The following TMTC2 variants were observed in gnomAD, a reference collection of about 807,000 sequenced individuals.
TMTC2 encodes transmembrane O-mannosyltransferase targeting cadherins 2, also known as protein O-mannosyl-transferase TMTC2.
A neutral mutation model predicts 82.4 loss-of-function variants in TMTC2; 43 were observed. That is an observed-to-expected ratio of 0.52 (90% CI 0.41 to 0.67). The LOEUF (loss-of-function observed/expected upper bound fraction) is 0.67. TMTC2 is among the 30% of genes least tolerant of loss of function. The pLI, the probability that TMTC2 is intolerant of heterozygous loss-of-function variation, is 0.00. For missense variants in TMTC2, 919 were observed against 1,012.4 expected (o/e 0.91, Z 1.25); for synonymous variants, 408 against 381.9 (o/e 1.07, Z -0.80).
chr12:82,906,725 A>T (rs137861063), intron 3 of TMTC2, among the ~76,000 whole-genome samples: 1 of 152,270 alleles, frequency 6.6e-6, no homozygotes, highest in East Asian at 1.9e-4. Flanking sequence ...AGAAAAAAGA[A>T]ATTTACTAGT....
At chr12:82,951,923 G>A (rs894759172) in intron 4 of TMTC2, among the ~76,000 whole-genome samples, 1 of 152,016 alleles carries the variant, frequency 6.6e-6, no homozygotes, top group African/African-American at 2.4e-5. Context: ...GAGAAATAGA[G>A]TATATGATTT....
At chr12:82,807,751 G>A (rs1260821790) in intron 1 of TMTC2, among the ~76,000 whole-genome samples, 1 of 152,026 alleles carries the variant, frequency 6.6e-6, no homozygotes, top group African/African-American at 2.4e-5. Context: ...AAGTAGACCA[G>A]TGATCTAATA....
chr12:83,000,614 C>T (rs1258973228), intron 8 of TMTC2, among the ~76,000 whole-genome samples: 1 of 152,124 alleles, frequency 6.6e-6, no homozygotes, highest in Non-Finnish European at 1.5e-5. Context: ...GTGGCCTTTC[C>T]AGGTGCATGG....
intron 1 of TMTC2, among the ~76,000 whole-genome samples, chr12:82,814,349 A>G (rs541047769): frequency 6.6e-6 from 1 of 152,304 alleles, no homozygotes; most frequent in African/African-American, 2.4e-5. Flanking sequence ...AATGAGATGG[A>G]AAAGAACAAA....
intron 11 of TMTC2, among the ~76,000 whole-genome samples, chr12:83,114,371 A>G (rs992595127): frequency 9.9e-5 from 15 of 152,190 alleles, no homozygotes; most frequent in Non-Finnish European, 4.4e-5. Context: ...GAACCAGGCT[A>G]TGCTAGCAGC....
intron 1 of TMTC2, among the ~76,000 whole-genome samples, chr12:82,793,043 G>A (rs1308790201): frequency 2.6e-5 from 4 of 151,988 alleles, no homozygotes; most frequent in Non-Finnish European, 5.9e-5. Flanking sequence ...CTTTGTAAGG[G>A]CACCTTTTGA....
intron 11 of TMTC2, among the ~76,000 whole-genome samples, chr12:83,129,159 G>C (rs150716472): frequency 1.8e-3 from 277 of 152,222 alleles, no homozygotes; most frequent in African/African-American, 6.4e-3. Context: ...ACACCAAAAT[G>C]TTATAACTGA....
intron 4 of TMTC2, among the ~76,000 whole-genome samples, chr12:82,946,509 T>C (rs1025407737): frequency 1.3e-5 from 2 of 152,198 alleles, no homozygotes; most frequent in African/African-American, 4.8e-5. Flanking sequence ...CTTTTAATCA[T>C]TGTGCCTCTC....
chr12:83,070,923 C>T (rs1883088994), intron 11 of TMTC2, among the ~76,000 whole-genome samples: 1 of 152,242 alleles, frequency 6.6e-6, no homozygotes, highest in South Asian at 2.1e-4. Context: ...TTGTCGAATG[C>T]TTTTTCTGCA....
chr12:83,032,619 A>C (rs904475594), intron 9 of TMTC2, among the ~76,000 whole-genome samples: 1 of 152,140 alleles, frequency 6.6e-6, no homozygotes, highest in Non-Finnish European at 1.5e-5. Context: ...ATCTCGGCTC[A>C]CTGCAACCTC....
intron 1 of TMTC2, among the ~76,000 whole-genome samples, chr12:82,840,162 C>G (rs1158547921): frequency 6.6e-6 from 1 of 152,216 alleles, no homozygotes; most frequent in Non-Finnish European, 1.5e-5. Flanking sequence ...CCCTACTGTG[C>G]GTCATGCACT....
chr12:83,067,883 A>G lies in TMTC2; in HGVS notation c.2331+6052A>G, dbSNP rs367732699. Among the ~76,000 whole-genome samples, 12 of 152,258 alleles carry G rather than the reference A, an allele frequency of 7.9e-5. No homozygotes were observed. In the East Asian group the frequency reaches 2.3e-3, roughly 29 times the overall value. On this transcript the variant is annotated intron_variant, in intron 11 of 11. Transcript: ENST00000321196. Reference sequence around the variant, plus strand: ...TATAAATATTCCATGTGTATTTAGTATATATGAATTAAAAGGAGAATATCT... The same window carrying G: ...TATAAATATTCCATGTGTATTTAGTGTATATGAATTAAAAGGAGAATATCT...
At chr12:83,113,352 A>G (rs1057242268) in intron 11 of TMTC2, among the ~76,000 whole-genome samples, 1 of 152,224 alleles carries the variant, frequency 6.6e-6, no homozygotes, top group African/African-American at 2.4e-5. Context: ...AAAACCTTGT[A>G]GATAAAAATG....
chr12:82,954,557 G>T (rs1377144060), intron 4 of TMTC2, among the ~76,000 whole-genome samples: 2 of 152,182 alleles, frequency 1.3e-5, no homozygotes, highest in African/African-American at 4.8e-5. Context: ...TATTTCCCTG[G>T]TTTTGAAGGT....
intron 2 of TMTC2, among the ~76,000 whole-genome samples, chr12:82,864,376 G>A (rs1445151370): frequency 2.0e-5 from 3 of 151,822 alleles, no homozygotes; most frequent in Admixed American, 6.6e-5. Context: ...GAGGGGAGGG[G>A]GGAACTATCC....
intron 3 of TMTC2, among the ~76,000 whole-genome samples, chr12:82,920,101 AT>A (rs1875295539): frequency 6.6e-6 from 1 of 152,192 alleles, no homozygotes; most frequent in Non-Finnish European, 1.5e-5. Context: ...TCTTCTAGCT[AT>A]TTTTTCAAAG....
chr12:82,889,625 A>AGTG (rs1417877014), intron 2 of TMTC2, among the ~76,000 whole-genome samples: 4 of 152,178 alleles, frequency 2.6e-5, no homozygotes, highest in Non-Finnish European at 5.9e-5. Flanking sequence ...ATTTTTCACA[A>AGTG]AAATATTTTT....
intron 1 of TMTC2, among the ~76,000 whole-genome samples, chr12:82,695,615 T>C (rs574797336): frequency 6.6e-6 from 1 of 152,216 alleles, no homozygotes; most frequent in Non-Finnish European, 1.5e-5. Flanking sequence ...TTGTGTCTCT[T>C]GGATTAAATG....
At chr12:82,995,109 T>C (rs1308565670) in intron 8 of TMTC2, among the ~76,000 whole-genome samples, 1 of 152,228 alleles carries the variant, frequency 6.6e-6, no homozygotes, top group East Asian at 1.9e-4. Context: ...GTTTATGCTT[T>C]ATGTTTCCCT....
Sources: gnomAD v4.1 joint callset for allele counts (sites outside exome capture counted in the v4.1 genomes callset) on GRCh38, gnomAD v4.1.1 for gene constraint, MANE v1.5 for transcripts, NCBI Gene and HGNC (gene_info 2026-07-23, HGNC 2026-07-21) for gene names.